Variants in IL1RN observed in about 807,000 individuals in gnomAD.
IL1RN encodes interleukin 1 receptor antagonist, also known as interleukin-1 receptor antagonist protein.
IL1RN carries 10 observed loss-of-function variants against 13.7 expected under a neutral mutation model. The observed-to-expected ratio is 0.73, with a 90% CI of 0.45 to 1.24. The LOEUF is 1.24. Among genes scored for constraint, IL1RN ranks in the 50% most tolerant of loss-of-function variants. IL1RN has a pLI of 0.00. For synonymous variants in IL1RN, 102 were observed against 82.7 expected (o/e 1.23, Z -1.27); for missense variants, 213 against 222.1 (o/e 0.96, Z 0.26).
upstream of IL1RN, among the ~76,000 whole-genome samples, chr2:113,109,135 T>A (rs529096923): frequency 2.6e-5 from 4 of 151,880 alleles, no homozygotes; most frequent in East Asian, 1.9e-4. Context: ...TAAAATAAAA[T>A]AAAAAATTAA....
At chr2:113,125,559 A>G (rs181570598), upstream of IL1RN, among the ~76,000 whole-genome samples, 1 of 152,290 alleles carries the variant, frequency 6.6e-6, no homozygotes, top group Admixed American at 6.5e-5. Flanking sequence ...CATTCTTTAA[A>G]CCTTTGGGAA....
At chr2:113,099,548 C>G in the IL1RN span, among the ~76,000 whole-genome samples, 1 of 152,144 alleles carries the variant, frequency 6.6e-6, no homozygotes, top group Non-Finnish European at 1.5e-5. Flanking sequence ...CAGTGGCAAT[C>G]CGCCTCCTTC....
At chr2:113,131,202 C>T (rs1267836115) in intron 3 of IL1RN, 45 bp downstream of exon 3, 3 of 1,235,242 alleles carry the variant, frequency 2.4e-6, no homozygotes, top group Admixed American at 1.7e-5. Flanking sequence ...AACCCAGTGG[C>T]TTGAAACAAC....
intron 1 of IL1RN, among the ~76,000 whole-genome samples, chr2:113,119,824 T>C (rs1686706116): frequency 6.6e-6 from 1 of 152,150 alleles, no homozygotes. Context: ...AGGAACCACA[T>C]TCTCCATCTA....
chr2:113,117,800 C>A, upstream of IL1RN: 1 of 617,180 alleles, frequency 1.6e-6, no homozygotes, highest in Non-Finnish European at 2.9e-6. Context: ...AGCCATCAGC[C>A]GGCCCATCTC....
At chr2:113,124,610 C>T (rs970756915), upstream of IL1RN, among the ~76,000 whole-genome samples, 5 of 152,150 alleles carry the variant, frequency 3.3e-5, no homozygotes, top group African/African-American at 1.2e-4. Flanking sequence ...GCAAAAGCCA[C>T]GGTGTGAGTA....
chr2:113,115,034 G>A (rs1686567157), upstream of IL1RN, among the ~76,000 whole-genome samples: 1 of 152,170 alleles, frequency 6.6e-6, no homozygotes, highest in African/African-American at 2.4e-5. Flanking sequence ...AGCAGGCTGA[G>A]CAGATTCTTA....
upstream of IL1RN, among the ~76,000 whole-genome samples, chr2:113,103,990 AG>A (rs1686350803): frequency 7.2e-6 from 1 of 138,202 alleles, no homozygotes; most frequent in Non-Finnish European, 1.5e-5. Flanking sequence ...TATGGCATCA[AG>A]GGGTGTTTTT....
At chr2:113,124,091 T>A (rs1334347026), upstream of IL1RN, among the ~76,000 whole-genome samples, 2 of 152,156 alleles carry the variant, frequency 1.3e-5, no homozygotes, top group African/African-American at 4.8e-5. Context: ...ACACTCCTGT[T>A]GTCTCTAGTG....
chr2:113,104,123 A>G (rs1686353129), upstream of IL1RN, among the ~76,000 whole-genome samples: 1 of 152,154 alleles, frequency 6.6e-6, no homozygotes, highest in Non-Finnish European at 1.5e-5. Context: ...GTTCTACTGA[A>G]GCACTGAGGA....
intron 3 of IL1RN, 99 bp from the exon 4 acceptor site, chr2:113,132,556 TG>T: frequency 9.2e-7 from 1 of 1,087,010 alleles, no homozygotes; most frequent in Non-Finnish European, 1.4e-6. Flanking sequence ...GTACTAACTC[TG>T]GGCTGTCCAG....
chr2:113,118,008 A>T, exon 1 of IL1RN: 1 of 1,536,056 alleles, frequency 6.5e-7, no homozygotes, highest in Non-Finnish European at 9.0e-7. Context: ...CTGTCCTATG[A>T]GGCCCTCCCC....
chr2:113,108,763 T>A (rs1019685279), upstream of IL1RN, among the ~76,000 whole-genome samples: 3 of 152,158 alleles, frequency 2.0e-5, no homozygotes, highest in East Asian at 1.9e-4. Context: ...AAACGTAGAA[T>A]AATCTAAACA....
rs183028852 is a variant in IL1RN, at chr2:113,131,486, C to G, written c.318+329C>G. 1.4e-3 allele frequency among the ~76,000 whole-genome samples: 220 copies of G among 152,222 alleles called. 4 individuals are homozygous for G. The highest frequency in any genetic ancestry group is 5.0e-3 in the African/African-American group (209 of 41,558). On this transcript the variant is annotated intron_variant, in intron 3 of 3. Coordinates refer to ENST00000409930, the MANE Select transcript of IL1RN (RefSeq NM_173842.3). ...CTCAACATGCAGGCGCTTATTATGA[C>G]TTCTGCTTGCATCATCCTATTGGCC...
upstream of IL1RN, among the ~76,000 whole-genome samples, chr2:113,123,068 T>A (rs1195873094): frequency 1.3e-5 from 2 of 152,192 alleles, no homozygotes; most frequent in Non-Finnish European, 2.9e-5. Context: ...GAGGTTGCGG[T>A]GAGCCTAGAT....
At chr2:113,129,028 C>T (rs545920275) in intron 1 of IL1RN, among the ~76,000 whole-genome samples, 17 of 152,276 alleles carry the variant, frequency 1.1e-4, no homozygotes, top group African/African-American at 4.1e-4. Context: ...AGACTCAGAG[C>T]GAGTTAGCTG....
At chr2:113,125,326 G>T (rs1686918846), upstream of IL1RN, among the ~76,000 whole-genome samples, 1 of 152,224 alleles carries the variant, frequency 6.6e-6, no homozygotes, top group Non-Finnish European at 1.5e-5. Context: ...CCTTCAGCTA[G>T]TCCTCACAAA....
upstream of IL1RN, among the ~76,000 whole-genome samples, chr2:113,127,280 G>A (rs1020505169): frequency 6.6e-6 from 1 of 152,138 alleles, no homozygotes; most frequent in Non-Finnish European, 1.5e-5. Flanking sequence ...TTTTTAAAAA[G>A]TCAACAAACA....
chr2:113,124,069 C>T (rs142379305), upstream of IL1RN, among the ~76,000 whole-genome samples: 174 of 152,240 alleles, frequency 1.1e-3, no homozygotes, highest in African/African-American at 4.0e-3. Flanking sequence ...AACCCCTTTA[C>T]GTGGGGCTTA....
Sources: gnomAD v4.1 joint callset for allele counts (sites outside exome capture counted in the v4.1 genomes callset) on GRCh38, gnomAD v4.1.1 for gene constraint, MANE v1.5 for transcripts, NCBI Gene and HGNC (gene_info 2026-07-23, HGNC 2026-07-21) for gene names.